PDE7B: variants seen among roughly 807,000 people sequenced by gnomAD.
PDE7B encodes phosphodiesterase 7B.
PDE7B carries 29 observed loss-of-function variants against 56.2 expected under a neutral mutation model. The observed-to-expected ratio is 0.52, with a 90% confidence interval of 0.38 to 0.70. PDE7B has a LOEUF of 0.70. Among genes scored for constraint, PDE7B ranks in the 30% least tolerant of loss-of-function variants. The pLI, the probability that PDE7B is intolerant of heterozygous loss-of-function variation, is 0.00. For missense variants in PDE7B, 490 were observed against 565.0 expected (o/e 0.87, Z 1.35); for synonymous variants, 197 against 196.9 (o/e 1.00, Z 0.00).
intron 2 of PDE7B, among the ~76,000 whole-genome samples, chr6:135,963,977 C>T (rs948173560): frequency 1.3e-5 from 2 of 152,158 alleles, no homozygotes; most frequent in African/African-American, 4.8e-5. Context: ...GTAGAACTTT[C>T]CCGAGGACAA....
At chr6:136,159,822 G>T (rs1275979837) in intron 8 of PDE7B, among the ~76,000 whole-genome samples, 1 of 152,186 alleles carries the variant, frequency 6.6e-6, no homozygotes, top group African/African-American at 2.4e-5. Flanking sequence ...TTTAATCAAA[G>T]AAAGTGTCCA....
At chr6:136,115,845 T>C (rs1025108409) in intron 3 of PDE7B, among the ~76,000 whole-genome samples, 9 of 152,166 alleles carry the variant, frequency 5.9e-5, no homozygotes, top group African/African-American at 1.9e-4. Context: ...CAGACAGCAG[T>C]GGGACTGGGG....
intron 1 of PDE7B, among the ~76,000 whole-genome samples, chr6:135,894,307 A>G (rs1195094660): frequency 6.6e-6 from 1 of 152,140 alleles, no homozygotes; most frequent in Non-Finnish European, 1.5e-5. Context: ...TGTTTTGTAA[A>G]TGTTAAGAAC....
intron 3 of PDE7B, among the ~76,000 whole-genome samples, chr6:136,143,094 G>T (rs1389276742): frequency 6.6e-6 from 1 of 152,086 alleles, no homozygotes; most frequent in African/African-American, 2.4e-5. Flanking sequence ...GGTACTGGTT[G>T]TTCCTTTCCA....
intron 1 of PDE7B, among the ~76,000 whole-genome samples, chr6:135,915,422 GA>G (rs797021152): frequency 3.8e-4 from 58 of 152,300 alleles, no homozygotes; most frequent in African/African-American, 1.4e-3. Context: ...GACACTTCCA[GA>G]TAATCCACAT....
chr6:136,080,107 A>T (rs542681580), intron 2 of PDE7B, among the ~76,000 whole-genome samples: 2 of 152,324 alleles, frequency 1.3e-5, no homozygotes, highest in African/African-American at 2.4e-5. Flanking sequence ...TCCAGTGTTA[A>T]GCTCTCAAGC....
chr6:136,143,435 G>A (rs186447326), intron 3 of PDE7B, among the ~76,000 whole-genome samples: 62 of 151,374 alleles, frequency 4.1e-4, no homozygotes, highest in Non-Finnish European at 6.3e-4. Flanking sequence ...AAAATTTAGG[G>A]GAATACCAAA....
chr6:135,901,454 C>A (rs1775998209), intron 1 of PDE7B, among the ~76,000 whole-genome samples: 2 of 151,998 alleles, frequency 1.3e-5, no homozygotes, highest in Non-Finnish European at 2.9e-5. Context: ...AAGCCACAGC[C>A]CAGCTCATAG....
At chr6:136,024,356 A>G (rs1488872033) in intron 2 of PDE7B, among the ~76,000 whole-genome samples, 1 of 152,174 alleles carries the variant, frequency 6.6e-6, no homozygotes, top group African/African-American at 2.4e-5. Context: ...CTTTAGCATC[A>G]TTGCTAGCGG....
intron 1 of PDE7B, among the ~76,000 whole-genome samples, chr6:135,893,099 G>T (rs903566960): frequency 6.6e-6 from 1 of 151,918 alleles, no homozygotes; most frequent in African/African-American, 2.4e-5. Context: ...TTAAGTTCTA[G>T]GGTACATGTG....
chr6:136,023,816 C>A (rs1314374617), intron 2 of PDE7B, among the ~76,000 whole-genome samples: 4 of 152,006 alleles, frequency 2.6e-5, no homozygotes, highest in African/African-American at 9.7e-5. Flanking sequence ...ATATGTAAGA[C>A]TTTCGGGAGT....
intron 2 of PDE7B, among the ~76,000 whole-genome samples, chr6:135,956,480 A>G (rs951995174): frequency 7.2e-5 from 11 of 152,106 alleles, no homozygotes; most frequent in African/African-American, 2.7e-4. Flanking sequence ...TCCTCTGTCA[A>G]GAAATTGGTC....
chr6:136,072,165 TG>T (rs1452431050), intron 2 of PDE7B, among the ~76,000 whole-genome samples: 1 of 152,152 alleles, frequency 6.6e-6, no homozygotes, highest in Non-Finnish European at 1.5e-5. Flanking sequence ...GAATATATAA[TG>T]GCAAATACAA....
intron 2 of PDE7B, among the ~76,000 whole-genome samples, chr6:135,950,583 C>T (rs1028224413): frequency 6.6e-6 from 1 of 152,120 alleles, no homozygotes; most frequent in African/African-American, 2.4e-5. Flanking sequence ...CTGAGACATC[C>T]TCATCTTTAA....
intron 2 of PDE7B, among the ~76,000 whole-genome samples, chr6:135,949,146 T>C (rs139164999): frequency 6.2e-4 from 95 of 152,216 alleles, no homozygotes; most frequent in African/African-American, 2.2e-3. Context: ...GGTACCTTAC[T>C]ACCACTGAAA....
intron 2 of PDE7B, among the ~76,000 whole-genome samples, chr6:136,056,102 G>A (rs1415281806): frequency 6.6e-6 from 1 of 152,082 alleles, no homozygotes; most frequent in Non-Finnish European, 1.5e-5. Flanking sequence ...GGAGGAGGAG[G>A]AATCTGGATG....
intron 2 of PDE7B, among the ~76,000 whole-genome samples, chr6:136,096,808 A>G (rs1777476901): frequency 6.6e-6 from 1 of 152,114 alleles, no homozygotes; most frequent in South Asian, 2.1e-4. Context: ...TCAGCTCCTT[A>G]ATAAAACCTT....
rs1204767612 is a variant in PDE7B at position 136,193,278 on chromosome 6, A to ATTTC, written c.*1442_*1445dup. ...TACTTTTGGTGTTTGGTTGGTGTGCATTTCTTTAGTGTCGATAGTAACTGG... is the reference window on the plus strand; with the variant it reads ...TACTTTTGGTGTTTGGTTGGTGTGCATTTCTTTCTTTAGTGTCGATAGTAACTGG... On this transcript the variant is annotated 3_prime_UTR_variant, in exon 13 of 13. Coordinates refer to ENST00000308191, the MANE Select transcript of PDE7B (RefSeq NM_018945.4). 2 of 152,616 alleles carry ATTTC rather than the reference A, an allele frequency of 1.3e-5. No individual in the cohort carries two copies. Among genetic ancestry groups the ATTTC allele is most frequent in the Non-Finnish European group, 2.9e-5 (2 of 68,038 alleles). The allele number at this position is 152,616 out of a possible 1,614,324, so 9.5% of individuals were successfully genotyped here.
intron 2 of PDE7B, among the ~76,000 whole-genome samples, chr6:136,000,737 G>A (rs966016663): frequency 1.3e-5 from 2 of 152,188 alleles, no homozygotes; most frequent in African/African-American, 4.8e-5. Context: ...AAGGAGGCCT[G>A]CCTGCCTCTG....
Sources: allele counts gnomAD v4.1 joint callset (sites outside exome capture counted in the v4.1 genomes callset), GRCh38; gene constraint gnomAD v4.1.1; transcripts MANE v1.5; gene names NCBI Gene and HGNC (gene_info 2026-07-23, HGNC 2026-07-21).